RASGEF1A: variants seen among roughly 807,000 people sequenced by gnomAD.
The protein encoded by RASGEF1A is RasGEF domain family member 1A.
RASGEF1A carries 18 observed loss-of-function variants against 56.4 expected under a neutral mutation model. The ratio of observed to expected loss-of-function variants is 0.32; its 90% confidence interval spans 0.22 to 0.47. The LOEUF is 0.47. Among genes scored for constraint, RASGEF1A ranks in the 20% least tolerant of loss-of-function variants. The pLI is 1.00. For synonymous variants in RASGEF1A, 245 were observed against 242.6 expected (o/e 1.01, Z -0.09); for missense variants, 422 against 627.1 (o/e 0.67, Z 3.49).
chr10:43,205,634 C>A (rs1839981997), intron 2 of RASGEF1A, among the ~76,000 whole-genome samples: 1 of 152,196 alleles, frequency 6.6e-6, no homozygotes, highest in South Asian at 2.1e-4. Flanking sequence ...CCCTGCTCGG[C>A]CCTTGTGTGT....
At chr10:43,203,487 G>T (rs1488502060) in intron 2 of RASGEF1A, 67 bp from the exon 3 acceptor site, 7 of 1,456,014 alleles carry the variant, frequency 4.8e-6, no homozygotes, top group Non-Finnish European at 5.5e-6. Flanking sequence ...TCACCGCGCT[G>T]CTTCACCTGG....
intron 1 of RASGEF1A, among the ~76,000 whole-genome samples, chr10:43,215,569 C>A (rs1022093825): frequency 1.3e-5 from 2 of 152,206 alleles, no homozygotes; most frequent in African/African-American, 4.8e-5. Flanking sequence ...GGCTCTTCGC[C>A]CTTCAAGGGA....
At chr10:43,256,763 G>A (rs536054312) in intron 1 of RASGEF1A, among the ~76,000 whole-genome samples, 2 of 152,320 alleles carry the variant, frequency 1.3e-5, no homozygotes, top group African/African-American at 2.4e-5. Flanking sequence ...CACAGACACA[G>A]ATGAGCCGTG....
chr10:43,261,785 T>C (rs1448603362), intron 1 of RASGEF1A, among the ~76,000 whole-genome samples: 1 of 152,058 alleles, frequency 6.6e-6, no homozygotes, highest in African/African-American at 2.4e-5. Context: ...GGGCTGCACA[T>C]TACCTTCATC....
chr10:43,207,821 G>T, intron 1 of RASGEF1A: 2 of 588,678 alleles, frequency 3.4e-6, no homozygotes, highest in Non-Finnish European at 4.3e-6. Flanking sequence ...AGGAACCACT[G>T]ATGTGAGCCA....
At chr10:43,207,781 T>C in intron 1 of RASGEF1A, 1 of 865,288 alleles carries the variant, frequency 1.2e-6, no homozygotes, top group Non-Finnish European at 1.4e-6. Context: ...GGACTGCTTC[T>C]GTACCCCAAC....
intron 1 of RASGEF1A, among the ~76,000 whole-genome samples, chr10:43,249,642 C>T (rs561202572): frequency 2.0e-5 from 3 of 152,206 alleles, no homozygotes; most frequent in Non-Finnish European, 2.9e-5. Context: ...GCACACAGCT[C>T]GGGCCAGCAA....
At chr10:43,217,477 G>A (rs552134120) in intron 1 of RASGEF1A, among the ~76,000 whole-genome samples, 35 of 152,372 alleles carry the variant, frequency 2.3e-4, no homozygotes, top group African/African-American at 6.7e-4. Context: ...CTCTGTGGAA[G>A]AAGGCTGGGT....
At chr10:43,251,024 C>T (rs1226705323) in intron 1 of RASGEF1A, among the ~76,000 whole-genome samples, 1 of 152,218 alleles carries the variant, frequency 6.6e-6, no homozygotes, top group Non-Finnish European at 1.5e-5. Flanking sequence ...GGGCCTGGGC[C>T]TTGCTCTAGG....
At chr10:43,259,153 C>T (rs191242570) in intron 1 of RASGEF1A, among the ~76,000 whole-genome samples, 4 of 152,358 alleles carry the variant, frequency 2.6e-5, no homozygotes, top group Non-Finnish European at 5.9e-5. Flanking sequence ...GAAGAACCCA[C>T]AGACACTCAC....
At chr10:43,205,327 A>T (rs1437783245) in intron 2 of RASGEF1A, among the ~76,000 whole-genome samples, 1 of 152,154 alleles carries the variant, frequency 6.6e-6, no homozygotes, top group Admixed American at 6.5e-5. Flanking sequence ...TTGACAAGGG[A>T]ACACTTTCTC....
intron 1 of RASGEF1A, among the ~76,000 whole-genome samples, chr10:43,220,278 C>T (rs569118243): frequency 1.4e-4 from 22 of 152,278 alleles, no homozygotes; most frequent in African/African-American, 4.1e-4. Flanking sequence ...GGTGGAGGAT[C>T]GCTTGAGCCC....
At chr10:43,232,206 G>A (rs565454193) in intron 1 of RASGEF1A, among the ~76,000 whole-genome samples, 37 of 152,224 alleles carry the variant, frequency 2.4e-4, no homozygotes, top group Non-Finnish European at 3.7e-4. Flanking sequence ...TCATGGGGGC[G>A]GAGTTCTCAT....
intron 10 of RASGEF1A, 114 bp from the exon 11 acceptor site, chr10:43,197,213 G>T: frequency 3.2e-6 from 4 of 1,254,082 alleles, no homozygotes; most frequent in Non-Finnish European, 3.3e-6. Flanking sequence ...ACTGGTCCCA[G>T]CAAGATGGGA....
intron 9 of RASGEF1A, 101 bp from the exon 10 acceptor site, chr10:43,198,296 C>T: frequency 2.8e-6 from 3 of 1,085,230 alleles, no homozygotes; most frequent in Non-Finnish European, 3.8e-6. Context: ...ACAGAGAAGG[C>T]ACCTGGCCCC....
chr10:43,263,231 G>A (rs1332513623), intron 1 of RASGEF1A, among the ~76,000 whole-genome samples: 1 of 152,068 alleles, frequency 6.6e-6, no homozygotes, highest in African/African-American at 2.4e-5. Flanking sequence ...GGAGAACCAG[G>A]GGCCGGCCAA....
intron 1 of RASGEF1A, among the ~76,000 whole-genome samples, chr10:43,262,920 G>C (rs748550050): frequency 2.7e-4 from 41 of 152,342 alleles, no homozygotes; most frequent in Middle Eastern, 3.4e-3. Flanking sequence ...AGTGGGGTGT[G>C]CTAGACTGGC....
chr10:43,257,374 A>T (rs1836437599), intron 1 of RASGEF1A, among the ~76,000 whole-genome samples: 3 of 152,342 alleles, frequency 2.0e-5, no homozygotes, highest in African/African-American at 7.2e-5. Flanking sequence ...CATCAGCCAC[A>T]TGGGGCCTTG....
rs536244551 is a variant in RASGEF1A at position 43,221,055 on chromosome 10, G to A, written c.-6-14933C>T. Among the ~76,000 whole-genome samples, 4 of 152,282 alleles carry A rather than the reference G, an allele frequency of 2.6e-5. No individual in the cohort carries two copies. In the East Asian group the frequency reaches 7.7e-4, roughly 29 times the overall value. On this transcript the variant is annotated intron_variant, in intron 1 of 12. Transcript: ENST00000395810. ...AAGCACTGCCCTCGAGAACTCCGAA[G>A]CCTCTTTTCCATTGGAGGCCACCAG...
Sources: allele counts gnomAD v4.1 joint callset (sites outside exome capture counted in the v4.1 genomes callset), GRCh38; gene constraint gnomAD v4.1.1; transcripts MANE v1.5; gene names NCBI Gene and HGNC (gene_info 2026-07-23, HGNC 2026-07-21).